Variants in CDH12 observed in about 807,000 individuals in gnomAD.
CDH12 encodes cadherin-12.
In CDH12, 41 loss-of-function variants were observed where a neutral mutation model predicts 74.1. The observed-to-expected ratio is 0.55, with a 90% CI of 0.43 to 0.72. The LOEUF (loss-of-function observed/expected upper bound fraction) is 0.72, where lower values mean the gene tolerates loss of function less well. CDH12 is among the 30% of genes least tolerant of loss of function. The pLI is 0.00. For synonymous variants in CDH12, 399 were observed against 355.0 expected (o/e 1.12, Z -1.39); for missense variants, 945 against 977.2 (o/e 0.97, Z 0.44).
rs763239573 is a variant in CDH12 at position 21,975,245 on chromosome 5, G to T, written c.372C>A (p.Phe124Leu). 1.2e-5 allele frequency: 19 copies of T among 1,597,212 alleles called. No homozygotes were observed. The East Asian group carries it at 1.3e-4, about 11-fold the overall frequency. The change falls in exon 6 of 15, where the codon TTC (phenylalanine) becomes TTA (leucine). Residue 124 changes from phenylalanine to leucine, a missense_variant. By Grantham distance (22) the Phe-to-Leu change is conservative. Around this residue, in one of 3 missense-constraint regions of CDH12, gnomAD observed 148 missense variants for 162.8 expected, o/e 0.91. Transcript: ENST00000382254. ...IRSLDREEKP[F>L]YTLRAQAVDI... is the part of the protein sequence containing the mutation. ...CCACAGCCTGAGCACGAAGAGTGTA[G>T]AAAGGTTTCTCTTCTCTATCTAGGC...
intron 3 of CDH12, among the ~76,000 whole-genome samples, chr5:22,332,153 C>CA (rs1376727744): frequency 6.6e-6 from 1 of 152,008 alleles, no homozygotes. Context: ...TATCAAAGCA[C>CA]AAAAAGGTTA....
intron 4 of CDH12, among the ~76,000 whole-genome samples, chr5:22,158,524 A>T (rs1481219432): frequency 1.3e-5 from 2 of 152,164 alleles, no homozygotes; most frequent in East Asian, 3.9e-4. Flanking sequence ...ATAATGAAAG[A>T]TTAATTTCCC....
At chr5:21,759,439 A>G (rs16888454) in intron 13 of CDH12, among the ~76,000 whole-genome samples, 7,280 of 152,144 alleles carry the variant, frequency 0.048, 227 homozygotes, top group African/African-American at 0.085. Flanking sequence ...AAATAAAAGT[A>G]TAAGTGTAAA....
In CDH12 at chr5:21,751,147, A is replaced by G. The variant is rs1398237835; in HGVS notation, c.*590T>C. On this transcript the variant is annotated 3_prime_UTR_variant, in exon 15 of 15. Coordinates refer to ENST00000382254, the MANE Select transcript of CDH12 (RefSeq NM_004061.5). ...GCATACAGTTTAAAAAAGAAAAAGA[A>G]AACCTTTTGAATTAGAAGAAGGTGG... 6.5e-6 allele frequency: 1 copy of G among 152,734 alleles called. No homozygotes were observed. Among genetic ancestry groups the G allele is most frequent in the Non-Finnish European group, 1.5e-5 (1 of 68,130 alleles). 9.5% of individuals were successfully genotyped at this position (152,734 alleles called of 1,614,324 possible).
At chr5:21,917,994 C>T (rs1754177932) in intron 6 of CDH12, among the ~76,000 whole-genome samples, 1 of 152,172 alleles carries the variant, frequency 6.6e-6, no homozygotes, top group South Asian at 2.1e-4. Flanking sequence ...ATCTTTAACA[C>T]ATAAACTTTT....
chr5:22,035,899 T>C (rs1354299854), intron 5 of CDH12, among the ~76,000 whole-genome samples: 1 of 152,218 alleles, frequency 6.6e-6, no homozygotes, highest in Admixed American at 6.5e-5. Context: ...TGCCAGCTGC[T>C]AGAATTCATT....
intron 4 of CDH12, among the ~76,000 whole-genome samples, chr5:22,182,107 T>G (rs2150338474): frequency 6.6e-6 from 1 of 152,170 alleles, no homozygotes; most frequent in African/African-American, 2.4e-5. Context: ...GGTTTATAGT[T>G]TTTACGACCT....
In CDH12 at chr5:21,862,131, T is replaced by C. The variant is rs187262192; in HGVS notation, c.527-7341A>G. On this transcript the variant is annotated intron_variant, in intron 6 of 14. Transcript: ENST00000382254. ...AACAACTATTATCCTTTAGTTGTGT[T>C]TGGTAAACTTATGTGGGTTTTATAG... Among the ~76,000 whole-genome samples, 182 of 152,220 alleles carry C rather than the reference T, an allele frequency of 1.2e-3. No individual in the cohort carries two copies. In the Middle Eastern group the frequency reaches 0.014, roughly 11 times the overall value.
At chr5:22,267,787 C>T (rs953710130) in intron 3 of CDH12, among the ~76,000 whole-genome samples, 7 of 152,004 alleles carry the variant, frequency 4.6e-5, no homozygotes, top group African/African-American at 9.7e-5. Flanking sequence ...TCAAACATTA[C>T]CAGATCCAAC....
At chr5:21,968,759 A>G (rs148117440) in intron 6 of CDH12, among the ~76,000 whole-genome samples, 2,011 of 152,294 alleles carry the variant, frequency 0.013, 14 homozygotes, top group African/African-American at 0.024. Flanking sequence ...TGGATGAAGA[A>G]AATGTGGTAC....
At chr5:22,119,134 T>A (rs1745345358) in intron 4 of CDH12, among the ~76,000 whole-genome samples, 1 of 152,158 alleles carries the variant, frequency 6.6e-6, no homozygotes, top group African/African-American at 2.4e-5. Flanking sequence ...GATTTCGTTG[T>A]CAGGAGTCAG....
At chr5:22,851,574 G>T (rs1369332092) in intron 1 of CDH12, among the ~76,000 whole-genome samples, 1 of 152,092 alleles carries the variant, frequency 6.6e-6, no homozygotes, top group African/African-American at 2.4e-5. Context: ...TTTCATAGAA[G>T]GTGGAGAGAC....
intron 4 of CDH12, among the ~76,000 whole-genome samples, chr5:22,199,669 T>C (rs903631733): frequency 3.3e-5 from 5 of 152,188 alleles, no homozygotes; most frequent in Non-Finnish European, 7.4e-5. Context: ...TTAATTATAC[T>C]TCTCAGTAGA....
intron 5 of CDH12, among the ~76,000 whole-genome samples, chr5:21,999,332 C>A (rs1006410903): frequency 3.6e-4 from 55 of 152,118 alleles, no homozygotes; most frequent in African/African-American, 1.3e-3. Flanking sequence ...TCTTCTGACA[C>A]CACCATTGTA....
chr5:21,825,165 AAAAG>A (rs1369593035), intron 8 of CDH12, among the ~76,000 whole-genome samples: 1 of 151,782 alleles, frequency 6.6e-6, no homozygotes, highest in Non-Finnish European at 1.5e-5. Flanking sequence ...AAAAAAAAAA[AAAAG>A]AAAAAAAACT....
chr5:22,322,366 T>TAAAA (rs71609760), intron 3 of CDH12, among the ~76,000 whole-genome samples: 70 of 148,708 alleles, frequency 4.7e-4, no homozygotes, highest in Admixed American at 1.6e-3. Context: ...CAGCTTTATT[T>TAAAA]AAAAAAAAAA....
intron 8 of CDH12, among the ~76,000 whole-genome samples, chr5:21,838,010 G>A (rs1245416772): frequency 6.6e-6 from 1 of 151,964 alleles, no homozygotes; most frequent in Non-Finnish European, 1.5e-5. Context: ...TTGCAGATGT[G>A]CTCTAAGATT....
chr5:22,822,081 A>G (rs1428447737), intron 1 of CDH12, among the ~76,000 whole-genome samples: 1 of 152,200 alleles, frequency 6.6e-6, no homozygotes, highest in African/African-American at 2.4e-5. Context: ...AATGCTGCAT[A>G]TCTACAACTA....
chr5:22,812,750 T>C (rs1190221535), intron 1 of CDH12, among the ~76,000 whole-genome samples: 3 of 152,170 alleles, frequency 2.0e-5, no homozygotes, highest in Non-Finnish European at 2.9e-5. Context: ...TTAAACTTTG[T>C]AGTATTTGAC....
Sources: gnomAD v4.1 joint callset for allele counts (sites outside exome capture counted in the v4.1 genomes callset) on GRCh38, gnomAD v4.1.1 for gene constraint, gnomAD v4.1.1 regional missense constraint, MANE v1.5 for transcripts, NCBI Gene and HGNC (gene_info 2026-07-23, HGNC 2026-07-21) for gene names.